Variants in CBX1 observed in about 807,000 individuals in gnomAD.
CBX1 encodes chromobox protein homolog 1.
Under a neutral mutation model 25.1 loss-of-function variants are expected in CBX1, and 10 were observed. The ratio of observed to expected loss-of-function variants is 0.40; its 90% CI spans 0.25 to 0.68. The LOEUF is 0.68. Among genes scored for constraint, CBX1 ranks in the 30% least tolerant of loss-of-function variants. The pLI is 0.40. For synonymous variants in CBX1, 63 were observed against 79.4 expected (o/e 0.79, Z 1.10); for missense variants, 106 against 218.5 (o/e 0.49, Z 3.25).
At chr17:48,072,628 C>CA (rs1418332676) in intron 4 of CBX1, among the ~76,000 whole-genome samples, 2 of 151,828 alleles carry the variant, frequency 1.3e-5, no homozygotes, top group African/African-American at 2.4e-5. Context: ...ACTAAAAATA[C>CA]AAAAATTAGC....
chr17:48,099,349 CCACCT>C (rs1426128883), intron 1 of CBX1, among the ~76,000 whole-genome samples: 1 of 152,138 alleles, frequency 6.6e-6, no homozygotes, highest in Non-Finnish European at 1.5e-5. Context: ...CATGATCCGC[CCACCT>C]CAGACTCCCA....
intron 1 of CBX1, among the ~76,000 whole-genome samples, chr17:48,077,733 G>A (rs2037691739): frequency 1.3e-5 from 2 of 152,254 alleles, no homozygotes; most frequent in Non-Finnish European, 2.9e-5. Flanking sequence ...TGCAATCCCA[G>A]CATTTTGGAA....
At chr17:48,083,366 T>C (rs763293062) in intron 1 of CBX1, among the ~76,000 whole-genome samples, 1 of 150,468 alleles carries the variant, frequency 6.6e-6, no homozygotes, top group African/African-American at 2.5e-5. Context: ...CCTAGTGGCC[T>C]TTCCAGAATC....
In CBX1 at chr17:48,078,335, G is replaced by A. The variant is rs565307693; in HGVS notation, c.-37-1294C>T. 4.9e-4 allele frequency among the ~76,000 whole-genome samples: 75 copies of A among 152,018 alleles called. 1 individual carries two copies. Among genetic ancestry groups the A allele is most frequent in the African/African-American group, 1.3e-3 (53 of 41,492 alleles). ...AGCCTCCTGAGTAGCTGTGACTACC[G>A]GCGCCCGCCACCACGCCCAGCTAAT... On this transcript the variant is annotated intron_variant, in intron 1 of 4. Transcript: ENST00000225603.
At chr17:48,083,490 T>C (rs546653151) in intron 1 of CBX1, among the ~76,000 whole-genome samples, 2 of 150,822 alleles carry the variant, frequency 1.3e-5, no homozygotes, top group South Asian at 4.1e-4. Flanking sequence ...CTGACATCTC[T>C]ACTTGTCTTT....
At chr17:48,101,052 G>C in intron 1 of CBX1, 1 of 985,790 alleles carries the variant, frequency 1.0e-6, no homozygotes, top group Non-Finnish European at 1.2e-6. Context: ...CTCAGGATTC[G>C]CGCCCCGCCC....
chr17:48,078,196 TTTG>T (rs2037696107), intron 1 of CBX1, among the ~76,000 whole-genome samples: 2 of 151,764 alleles, frequency 1.3e-5, no homozygotes, highest in African/African-American at 4.9e-5. Flanking sequence ...TGGATTTGAA[TTTG>T]TTTTTTTTTT....
At position 48,071,280 on chromosome 17, in the gene CBX1, T is replaced by C. The variant is rs1347776955; in HGVS notation, c.*155A>G. On this transcript the variant is annotated 3_prime_UTR_variant, in exon 5 of 5. Coordinates refer to ENST00000225603, the MANE Select transcript of CBX1 (RefSeq NM_001127228.2). The stretch of plus-strand genomic sequence containing the variant: ...CAAACTATACAGCTTGAAACGGCTT[T>C]AAAGCACTTGGGCTGCTGCAGGGCA... The C allele has an allele frequency of 2.9e-6, 2 of 688,554 alleles. No individual in the cohort carries two copies. The highest frequency in any genetic ancestry group is 6.9e-5 in the Admixed American group (2 of 28,934). The allele number at this position is 688,554 out of a possible 1,614,324, so 42.7% of individuals were successfully genotyped here.
intron 1 of CBX1, among the ~76,000 whole-genome samples, chr17:48,095,497 C>T (rs1259868367): frequency 6.6e-6 from 1 of 152,038 alleles, no homozygotes; most frequent in Non-Finnish European, 1.5e-5. Flanking sequence ...GCTGAGGTTG[C>T]GGTGAGCTGA....
At chr17:48,082,299 G>C (rs1438946155) in intron 1 of CBX1, among the ~76,000 whole-genome samples, 1 of 151,748 alleles carries the variant, frequency 6.6e-6, no homozygotes, top group Non-Finnish European at 1.5e-5. Context: ...TCAGGAGATC[G>C]AGCCCATCCT....
At chr17:48,080,959 T>A (rs1210079499) in intron 1 of CBX1, among the ~76,000 whole-genome samples, 31 of 21,438 alleles carry the variant, frequency 1.4e-3, no homozygotes, top group South Asian at 7.5e-3. Context: ...AAAATATATA[T>A]ATATATATAT....
chr17:48,100,890 GT>G (rs1266346820), intron 1 of CBX1: 15 of 985,540 alleles, frequency 1.5e-5, no homozygotes, highest in Non-Finnish European at 1.8e-5. Context: ...TTGTGCGGTC[GT>G]ATGCGCCTCC....
intron 1 of CBX1, among the ~76,000 whole-genome samples, chr17:48,080,342 C>A (rs1259515973): frequency 6.6e-6 from 1 of 152,088 alleles, no homozygotes; most frequent in Non-Finnish European, 1.5e-5. Context: ...CCGGACCCAA[C>A]TCTTTGACTT....
chr17:48,094,046 G>A (rs567709952), intron 1 of CBX1, among the ~76,000 whole-genome samples: 2 of 145,228 alleles, frequency 1.4e-5, no homozygotes, highest in East Asian at 4.2e-4. Context: ...CCTGGGAGGC[G>A]GAAGTTGCGA....
At chr17:48,080,382 A>G (rs915677473) in intron 1 of CBX1, among the ~76,000 whole-genome samples, 5 of 152,094 alleles carry the variant, frequency 3.3e-5, no homozygotes, top group South Asian at 4.2e-4. Context: ...ATGATTACCA[A>G]TTTTTGTCAG....
intron 1 of CBX1, among the ~76,000 whole-genome samples, chr17:48,087,744 C>T (rs952844635): frequency 6.6e-6 from 1 of 151,568 alleles, no homozygotes; most frequent in Non-Finnish European, 1.5e-5. Flanking sequence ...TAGTGGCACA[C>T]GCATGTAGTC....
At chr17:48,096,750 C>T (rs2063377513) in intron 1 of CBX1, among the ~76,000 whole-genome samples, 2 of 151,706 alleles carry the variant, frequency 1.3e-5, no homozygotes, top group Admixed American at 1.3e-4. Flanking sequence ...TGCACTCCAG[C>T]CTGGGTGACA....
rs1567765603 is a variant in CBX1, at chr17:48,080,981, T to A, written c.-37-3940A>T. Among the ~76,000 whole-genome samples, 7 of 64,654 alleles carry A rather than the reference T, an allele frequency of 1.1e-4. No homozygotes were observed. The East Asian group carries it at 1.7e-3, about 15-fold the overall frequency. The allele number at this position is 64,654 out of a possible 152,430, so 42.4% of individuals were successfully genotyped here. A position where few individuals can be genotyped will look rare whatever the true frequency, so the allele number is the denominator to read the frequency against. On this transcript the variant is annotated intron_variant, in intron 1 of 4. Coordinates refer to ENST00000225603, the MANE Select transcript of CBX1 (RefSeq NM_001127228.2). ...ATATATATATATATATATATATATA[T>A]ATATATATATATAAAATTTGTCTTA...
intron 1 of CBX1, among the ~76,000 whole-genome samples, chr17:48,077,433 GTTTTTT>G (rs113914818): frequency 1.6e-5 from 2 of 128,840 alleles, no homozygotes; most frequent in Admixed American, 7.9e-5. Flanking sequence ...AATTTTTGTT[GTTTTTT>G]TTTTTGTTTT....
Sources: gnomAD v4.1 joint callset for allele counts (sites outside exome capture counted in the v4.1 genomes callset) on GRCh38, gnomAD v4.1.1 for gene constraint, MANE v1.5 for transcripts, NCBI Gene and HGNC (gene_info 2026-07-23, HGNC 2026-07-21) for gene names.